Variants in DGKD observed in about 807,000 individuals in gnomAD.
The protein encoded by DGKD is DAG kinase delta.
DGKD carries 68 observed loss-of-function variants against 154.4 expected under a neutral mutation model. The ratio of observed to expected loss-of-function variants is 0.44; its 90% confidence interval spans 0.36 to 0.54. The LOEUF is 0.54. DGKD is among the 20% of genes least tolerant of loss of function. The pLI, the probability that DGKD is intolerant of heterozygous loss-of-function variation, is 0.00. For synonymous variants in DGKD, 693 were observed against 638.0 expected, an observed-to-expected ratio of 1.09 and a Z score of -1.30; for missense variants, 1,343 against 1,593.6, an observed-to-expected ratio of 0.84 and a Z score of 2.68.
intron 8 of DGKD, 32 bp downstream of exon 8, chr2:233,437,511 C>T (rs1204029386): frequency 5.1e-6 from 8 of 1,581,146 alleles, no homozygotes; most frequent in African/African-American, 4.0e-5. Flanking sequence ...CCTTCTCATG[C>T]ACGCCCACAC....
Position 233,448,391 on chromosome 2 carries a change from C to G in DGKD, c.1614+16C>G. ...GGCCAAGAAGGTCTGTTCCCGTGCCCTGGGTGGGAGGGGCATTGAGGCAGC... is the reference window on the plus strand; with the variant it reads ...GGCCAAGAAGGTCTGTTCCCGTGCCGTGGGTGGGAGGGGCATTGAGGCAGC... On this transcript the variant is annotated intron_variant, in intron 14 of 29. Coordinates refer to ENST00000264057, the MANE Select transcript of DGKD (RefSeq NM_152879.3). The G allele has an allele frequency of 6.2e-7, 1 of 1,610,148 alleles. No homozygotes were observed. Among genetic ancestry groups the G allele is most frequent in the Non-Finnish European group, 8.5e-7 (1 of 1,177,136 alleles).
At chr2:233,421,975 T>C (rs947941391) in intron 3 of DGKD, among the ~76,000 whole-genome samples, 1 of 151,588 alleles carries the variant, frequency 6.6e-6, no homozygotes, top group South Asian at 2.1e-4. Flanking sequence ...AGTTTCTGAC[T>C]TGGGAGGTTG....
At chr2:233,460,444 CTT>C (rs1485964824) in intron 24 of DGKD, 99 bp downstream of exon 24, 6 of 1,471,784 alleles carry the variant, frequency 4.1e-6, no homozygotes, top group Non-Finnish European at 5.5e-6. Flanking sequence ...CTGCTCCTGA[CTT>C]TTGTGGGGTC....
At chr2:233,434,945 C>A in intron 5 of DGKD, 44 bp downstream of exon 5, 2 of 1,582,498 alleles carry the variant, frequency 1.3e-6, no homozygotes, top group South Asian at 1.1e-5. Flanking sequence ...GGTGGCCTGG[C>A]ATTTTACTTG....
In DGKD at chr2:233,445,598, C is replaced by T. The variant is rs374682653; in HGVS notation, c.1195-25C>T. The T allele has an allele frequency of 3.8e-5, 60 of 1,579,876 alleles. No individual in the cohort carries two copies. The highest frequency in any genetic ancestry group is 4.9e-5 in the Non-Finnish European group (57 of 1,162,188). The stretch of plus-strand genomic sequence containing the variant: ...GCCCCTGCCCCCAGGTGTTTGCCTG[C>T]GCATCGTCCCCCATGTTTCCTTAGT... On this transcript the variant is annotated intron_variant, in intron 10 of 29. Coordinates refer to ENST00000264057, the MANE Select transcript of DGKD (RefSeq NM_152879.3). This position sits in a 1 kb window ranked among gnomAD's most constrained non-coding sequence, Gnocchi z 5.5.
chr2:233,378,683 A>C (rs892447445), intron 1 of DGKD, among the ~76,000 whole-genome samples: 5 of 151,942 alleles, frequency 3.3e-5, no homozygotes, highest in African/African-American at 9.7e-5. Context: ...ATGTTTTCAT[A>C]TTTTTTGCCC....
intron 3 of DGKD, among the ~76,000 whole-genome samples, chr2:233,415,907 G>A (rs1190704283): frequency 6.6e-6 from 1 of 152,178 alleles, no homozygotes; most frequent in Non-Finnish European, 1.5e-5. Context: ...TGGCAGGCAT[G>A]AGCTGCTGCG....
intron 3 of DGKD, among the ~76,000 whole-genome samples, chr2:233,398,444 C>T (rs1241400906): frequency 6.6e-6 from 1 of 151,744 alleles, no homozygotes; most frequent in Non-Finnish European, 1.5e-5. Flanking sequence ...CGCGCCCGGC[C>T]AATAGGTAAA....
intron 3 of DGKD, among the ~76,000 whole-genome samples, chr2:233,408,271 A>G (rs2125504630): frequency 6.6e-6 from 1 of 152,234 alleles, no homozygotes; most frequent in Non-Finnish European, 1.5e-5. Flanking sequence ...CGAACTCCTG[A>G]CCTCAGGTGA....
chr2:233,386,249 C>T, intron 1 of DGKD: 1 of 317,150 alleles, frequency 3.2e-6, no homozygotes, highest in East Asian at 8.3e-5. Flanking sequence ...GGAGAGACGT[C>T]TTCACAGTGA....
intron 3 of DGKD, among the ~76,000 whole-genome samples, chr2:233,430,202 CTT>C (rs1393446747): frequency 6.6e-6 from 1 of 152,218 alleles, no homozygotes; most frequent in Non-Finnish European, 1.5e-5. Flanking sequence ...TGCATTTACT[CTT>C]TGTCAGGGCA....
chr2:233,374,010 T>A (rs988810988), intron 1 of DGKD, among the ~76,000 whole-genome samples: 1 of 151,568 alleles, frequency 6.6e-6, no homozygotes, highest in Non-Finnish European at 1.5e-5. Flanking sequence ...TTTATGTCTT[T>A]TAGTTTAATT....
chr2:233,459,813 C>T lies in DGKD; in HGVS notation c.2751C>T (p.Asp917=), dbSNP rs114591819. 5.6e-4 allele frequency: 900 copies of T among 1,614,032 alleles called. 1 individual carries two copies. Among genetic ancestry groups the T allele is most frequent in the Non-Finnish European group, 6.7e-4 (790 of 1,179,994 alleles). ...LGDEGVPVQV[D]GEAWVQPPGY... ...ATGAGGGCGTGCCTGTGCAGGTGGA[C>T]GGAGAGGCCTGGGTCCAGCCGCCAG... Residue 917 remains aspartate, a synonymous_variant, in exon 23 of 30, where the codon GAC becomes GAT. Transcript: ENST00000264057. This position sits in a 1 kb window ranked among gnomAD's most constrained non-coding sequence, Gnocchi z 5.7.
At chr2:233,461,018 TAAA>T (rs750014036) in intron 24 of DGKD, among the ~76,000 whole-genome samples, 2 of 137,540 alleles carry the variant, frequency 1.5e-5, no homozygotes, top group African/African-American at 2.6e-5. Context: ...AAGTTTACTT[TAAA>T]AAAAAAAAAA....
Position 233,406,862 on chromosome 2 carries a change from C to T in DGKD, c.348+16379C>T, listed in dbSNP as rs150617380. Among the ~76,000 whole-genome samples, 13 of 152,196 alleles carry T rather than the reference C, an allele frequency of 8.5e-5. No individual in the cohort carries two copies. In the South Asian group the frequency reaches 1.5e-3, roughly 17 times the overall value. ...TACCGTATAGCTCTCAGGATGCTTG[C>T]CCTGAAATAATCATATCAGAATAAC... On this transcript the variant is annotated intron_variant, in intron 3 of 29. Coordinates refer to ENST00000264057, the MANE Select transcript of DGKD (RefSeq NM_152879.3).
intron 24 of DGKD, among the ~76,000 whole-genome samples, chr2:233,460,911 CAAAA>C (rs1559179488): frequency 6.6e-6 from 1 of 151,530 alleles, no homozygotes; most frequent in African/African-American, 2.4e-5. Flanking sequence ...CAAAACAAAA[CAAAA>C]AAACCCTGCC....
chr2:233,434,955 G>C, intron 5 of DGKD, 54 bp downstream of exon 5: 1 of 1,573,086 alleles, frequency 6.4e-7, no homozygotes, highest in Non-Finnish European at 8.6e-7. Context: ...CATTTTACTT[G>C]ATAAAGCCTT....
intron 28 of DGKD, 66 bp from the exon 29 acceptor site, chr2:233,468,357 A>G: frequency 1.3e-6 from 2 of 1,585,252 alleles, no homozygotes; most frequent in Non-Finnish European, 1.7e-6. Flanking sequence ...GCTGGGTGCC[A>G]GCTGCTGCCT....
At chr2:233,386,083 G>A in intron 1 of DGKD, 8 of 426,252 alleles carry the variant, frequency 1.9e-5, no homozygotes, top group African/African-American at 4.1e-5. Context: ...AGCAGGAGAT[G>A]CAAGAAAAAA....
Sources: allele counts gnomAD v4.1 joint callset (sites outside exome capture counted in the v4.1 genomes callset), GRCh38; gene constraint gnomAD v4.1.1; non-coding constraint Gnocchi (gnomAD v3.1); transcripts MANE v1.5; gene names NCBI Gene and HGNC (gene_info 2026-07-23, HGNC 2026-07-21).